FKBP5: variants seen among roughly 807,000 people sequenced by gnomAD.
The protein encoded by FKBP5 is peptidyl-prolyl cis-trans isomerase FKBP5.
Under a neutral mutation model 50.5 loss-of-function variants are expected in FKBP5, and 23 were observed. The observed-to-expected ratio is 0.46, with a 90% CI of 0.33 to 0.65. FKBP5 has a LOEUF of 0.65. FKBP5 is among the 30% of genes least tolerant of loss of function. The pLI, the probability that FKBP5 is intolerant of heterozygous loss-of-function variation, is 0.02. For synonymous variants in FKBP5, 176 were observed against 190.6 expected (o/e 0.92, Z 0.63); for missense variants, 411 against 553.1 (o/e 0.74, Z 2.58).
chr6:35,665,374 G>A (rs987479360), intron 1 of FKBP5, among the ~76,000 whole-genome samples: 1 of 149,804 alleles, frequency 6.7e-6, no homozygotes, highest in African/African-American at 2.5e-5. Flanking sequence ...TGCAACCTCC[G>A]CCTCCCAGGT....
upstream of FKBP5, among the ~76,000 whole-genome samples, chr6:35,690,056 A>G (rs534102970): frequency 6.6e-6 from 1 of 152,374 alleles, no homozygotes; most frequent in East Asian, 1.9e-4. Context: ...GAAACCTAAT[A>G]TCCCATAGCC....
chr6:35,723,367 C>T (rs1766648222), intron 1 of FKBP5, among the ~76,000 whole-genome samples: 2 of 152,106 alleles, frequency 1.3e-5, no homozygotes, highest in Non-Finnish European at 2.9e-5. Context: ...TCTGTAAGTG[C>T]CCACTGGATT....
intron 3 of FKBP5, among the ~76,000 whole-genome samples, chr6:35,625,694 C>G (rs1262104433): frequency 6.7e-6 from 1 of 148,318 alleles, no homozygotes; most frequent in Non-Finnish European, 1.5e-5. Context: ...CGAGATTGCG[C>G]CACTGCACTC....
intron 7 of FKBP5, among the ~76,000 whole-genome samples, chr6:35,589,002 A>G (rs1198196881): frequency 6.7e-6 from 1 of 149,522 alleles, no homozygotes; most frequent in Non-Finnish European, 1.5e-5. Context: ...GGCCTCCCAA[A>G]GTGCTGGGAT....
At position 35,590,697 on chromosome 6, in the gene FKBP5, A is replaced by G. The variant is rs527579241; in HGVS notation, c.756+433T>C. Among the ~76,000 whole-genome samples the G allele has an allele frequency of 3.5e-4, 54 of 152,250 alleles. 1 individual carries two copies. The East Asian group carries it at 5.0e-3, about 14-fold the overall frequency. ...AGTTGGGATAACAACTTGGAGCCAC[A>G]GTGCAGGCCTCTTCGTGACTCCTGT... On this transcript the variant is annotated intron_variant, in intron 7 of 10. Coordinates refer to ENST00000357266, the MANE Select transcript of FKBP5 (RefSeq NM_004117.4).
intron 1 of FKBP5, among the ~76,000 whole-genome samples, chr6:35,646,555 T>C (rs758436249): frequency 1.4e-4 from 21 of 152,196 alleles, no homozygotes; most frequent in South Asian, 2.1e-4. Context: ...TTTCCTTGAT[T>C]GAATGTTATA....
intron 9 of FKBP5, 88 bp downstream of exon 9, chr6:35,579,948 C>T: frequency 2.0e-6 from 2 of 1,016,032 alleles, no homozygotes; most frequent in Non-Finnish European, 2.9e-6. Context: ...AAAAATCCTG[C>T]AACCTTTGGC....
At chr6:35,666,056 T>A (rs1765204295) in intron 1 of FKBP5, among the ~76,000 whole-genome samples, 1 of 152,122 alleles carries the variant, frequency 6.6e-6, no homozygotes, top group Non-Finnish European at 1.5e-5. Context: ...ACAATGAGTT[T>A]ATCAGGAGGT....
Position 35,658,692 on chromosome 6 carries a change from T to TTG in FKBP5, c.-19-15851_-19-15850dup, listed in dbSNP as rs1259082569. Among the ~76,000 whole-genome samples the TTG allele has an allele frequency of 9.7e-5, 2 of 20,644 alleles. 1 individual carries two copies. The highest frequency in any genetic ancestry group is 2.7e-4 in the Non-Finnish European group (2 of 7,388). 13.5% of individuals were successfully genotyped at this position (20,644 alleles called of 152,430 possible). ...TTGGTTTTCAAATGTTAAACCAACC[T>TTG]TGGATACCTGGAATAAACCCTATTT... On this transcript the variant is annotated intron_variant, in intron 1 of 10. Coordinates refer to ENST00000357266, the MANE Select transcript of FKBP5 (RefSeq NM_004117.4).
At position 35,708,949 on chromosome 6, in the gene FKBP5, A is replaced by C. The variant is rs376025550; in HGVS notation, c.-20+11379T>G. Among the ~76,000 whole-genome samples, 9 of 152,296 alleles carry C rather than the reference A, an allele frequency of 5.9e-5. 1 individual carries two copies. In the South Asian group the frequency reaches 1.7e-3, roughly 28 times the overall value. ...CTTACCTTTGGACTTCATTAGAGAG[A>C]GAAATCAATGTCTAATTTTGCAAGA... On this transcript the variant is annotated intron_variant, in intron 2 of 11. Transcript: ENST00000536438.
chr6:35,619,555 T>C (rs990143605), intron 4 of FKBP5, among the ~76,000 whole-genome samples: 1 of 152,194 alleles, frequency 6.6e-6, no homozygotes, highest in African/African-American at 2.4e-5. Context: ...AACTTTCCCA[T>C]CCTGGGTTTA....
chr6:35,692,573 C>T (rs963715538), upstream of FKBP5, among the ~76,000 whole-genome samples: 2 of 151,952 alleles, frequency 1.3e-5, no homozygotes, highest in African/African-American at 4.8e-5. Context: ...CTGAGGTGGG[C>T]GGATCACCTG....
chr6:35,632,557 A>G (rs1273724254), intron 3 of FKBP5, among the ~76,000 whole-genome samples: 1 of 151,966 alleles, frequency 6.6e-6, no homozygotes, highest in Non-Finnish European at 1.5e-5. Flanking sequence ...TATGATTATC[A>G]TAACCTTAGA....
intron 3 of FKBP5, among the ~76,000 whole-genome samples, chr6:35,630,375 C>T (rs1204426958): frequency 6.6e-6 from 1 of 151,700 alleles, no homozygotes; most frequent in African/African-American, 2.4e-5. Flanking sequence ...GGTGAAACCC[C>T]GTCTCTACTA....
chr6:35,626,888 CTT>C (rs1334986119), intron 3 of FKBP5, among the ~76,000 whole-genome samples: 5 of 152,216 alleles, frequency 3.3e-5, no homozygotes, highest in African/African-American at 1.2e-4. Context: ...TTGAAGGACA[CTT>C]GAGTTGCTTC....
chr6:35,725,032 G>A (rs1467434094), intron 1 of FKBP5, among the ~76,000 whole-genome samples: 2 of 152,140 alleles, frequency 1.3e-5, no homozygotes, highest in African/African-American at 4.8e-5. Flanking sequence ...CTCCATATAA[G>A]CAATCAAGAT....
chr6:35,619,104 G>T lies in FKBP5; in HGVS notation c.500C>A (p.Thr167Lys), dbSNP rs778608628. The change falls in exon 5 of 11, where the codon ACA becomes AAA. Residue 167 changes from threonine (T) to lysine (K), a missense_variant. By Grantham distance (78) the Thr-to-Lys change is moderately conservative (BLOSUM62 -1). Coordinates refer to ENST00000357266, the MANE Select transcript of FKBP5 (RefSeq NM_004117.4). ...EGYSNPNEGA[T>K]VEIHLEGRCG... ...CTTACTTTAATACTTACTTTCTACT[G>T]TTGCTCCTTCGTTTGGATTTGAATA... The T allele has an allele frequency of 6.8e-6, 11 of 1,610,044 alleles. No homozygotes were observed. The highest frequency in any genetic ancestry group is 7.6e-6 in the Non-Finnish European group (9 of 1,176,538).
Position 35,703,266 on chromosome 6 carries a change from G to A in FKBP5, c.-20+17062C>T, listed in dbSNP as rs527310140. Among the ~76,000 whole-genome samples the A allele has an allele frequency of 2.0e-5, 3 of 151,906 alleles. No homozygotes were observed. In the East Asian group the frequency reaches 5.8e-4, roughly 29 times the overall value. On this transcript the variant is annotated intron_variant, in intron 2 of 11. Coordinates refer to the FKBP5 transcript ENST00000536438. Reference sequence around the variant, plus strand: ...ACTCCATCTCAAAAAAAAAAAATTAGCCAGGTGTGGTAGTGGGCACTTGTA... The same window carrying A: ...ACTCCATCTCAAAAAAAAAAAATTAACCAGGTGTGGTAGTGGGCACTTGTA...
At chr6:35,644,180 A>G (rs1307703370) in intron 1 of FKBP5, among the ~76,000 whole-genome samples, 3 of 152,210 alleles carry the variant, frequency 2.0e-5, no homozygotes, top group South Asian at 4.1e-4. Flanking sequence ...AGGCAAGCCA[A>G]TGTAACCAAC....
Sources: gnomAD v4.1 joint callset for allele counts (sites outside exome capture counted in the v4.1 genomes callset) on GRCh38, gnomAD v4.1.1 for gene constraint, MANE v1.5 for transcripts, NCBI Gene and HGNC (gene_info 2026-07-23, HGNC 2026-07-21) for gene names.